The following WDR88 variants were observed in gnomAD, a reference collection of about 807,000 sequenced individuals.
WDR88 encodes WD repeat-containing protein 88.
A neutral mutation model predicts 46.8 loss-of-function variants in WDR88; 40 were observed. The observed-to-expected ratio is 0.86, with a 90% confidence interval of 0.66 to 1.11. The LOEUF (loss-of-function observed/expected upper bound fraction) is 1.11. Among genes scored for constraint, WDR88 ranks in the 50% most tolerant of loss-of-function variants. The pLI is 0.00. For synonymous variants in WDR88, 235 were observed against 240.7 expected, an observed-to-expected ratio of 0.98 and a Z score of 0.22; for missense variants, 562 against 602.4, an observed-to-expected ratio of 0.93 and a Z score of 0.70.
Position 33,144,907 on chromosome 19 carries a change from T to C in WDR88, c.451T>C (p.Cys151Arg), listed in dbSNP as rs2145377386. The change falls in exon 3 of 11, where the codon TGC (cysteine) becomes CGC (arginine). Residue 151 changes from cysteine to arginine, a missense_variant. Coordinates refer to ENST00000355868, the MANE Select transcript of WDR88 (RefSeq NM_173479.4). ...CAGGCCCAAAGCTCCTGTTGTAGAGTGCAGCATCACCGGCGACAGCAGCAG... is the reference window on the plus strand; with the variant it reads ...CAGGCCCAAAGCTCCTGTTGTAGAGCGCAGCATCACCGGCGACAGCAGCAG... ...EHRPKAPVVE[C>R]SITGDSSRVI... 6.2e-7 allele frequency: 1 copy of C among 1,613,570 alleles called. No individual in the cohort carries two copies. The highest frequency in any genetic ancestry group is 1.6e-4 in the Middle Eastern group (1 of 6,062).
intron 2 of WDR88, among the ~76,000 whole-genome samples, chr19:33,144,555 C>CA (rs566384854): frequency 5.3e-5 from 8 of 152,296 alleles, no homozygotes; most frequent in Non-Finnish European, 1.0e-4. Flanking sequence ...AAGGAAAACA[C>CA]AATCTGTTTG....
chr19:33,167,898 G>A (rs552862596), intron 9 of WDR88, among the ~76,000 whole-genome samples: 18 of 151,802 alleles, frequency 1.2e-4, no homozygotes, highest in East Asian at 1.9e-4. Context: ...CAATTCTCCC[G>A]GTAGAAACGG....
rs10426166 is a variant in WDR88, at chr19:33,133,846, C to T, written c.276+1401C>T. Reference sequence around the variant, plus strand: ...CTTGGGGAGGCCCTCCCTGACCGCCCGTCTAAAGTAGCCAGGGCCACTGTC... The same window carrying T: ...CTTGGGGAGGCCCTCCCTGACCGCCTGTCTAAAGTAGCCAGGGCCACTGTC... On this transcript the variant is annotated intron_variant, in intron 1 of 10. Coordinates refer to ENST00000355868, the MANE Select transcript of WDR88 (RefSeq NM_173479.4). Among the ~76,000 whole-genome samples the T allele has an allele frequency of 3.5e-3, 529 of 152,316 alleles. 4 individuals carry two copies. Among genetic ancestry groups the T allele is most frequent in the African/African-American group, 0.012 (510 of 41,582 alleles).
chr19:33,136,216 T>C (rs139218271), intron 1 of WDR88, among the ~76,000 whole-genome samples: 22,444 of 151,886 alleles, frequency 0.15, 1,767 homozygotes, highest in South Asian at 0.2. Context: ...CCACCATGCC[T>C]GGCTAATTTT....
Position 33,144,885 on chromosome 19 carries a change from G to T in WDR88, c.429G>T (p.Arg143Ser). ...DGSVVRDFEHRPKAPVVECSI... is the reference protein window; with the variant it reads ...DGSVVRDFEHSPKAPVVECSI... ...CTGTGGTTCGCGATTTTGAGCACAGGCCCAAAGCTCCTGTTGTAGAGTGCA... is the reference window on the plus strand; with the variant it reads ...CTGTGGTTCGCGATTTTGAGCACAGTCCCAAAGCTCCTGTTGTAGAGTGCA... The change falls in exon 3 of 11, where the codon AGG becomes AGT. Residue 143 changes from arginine (R) to serine (S), a missense_variant. Arg to Ser is a moderately radical substitution (Grantham distance 110). Coordinates refer to ENST00000355868, the MANE Select transcript of WDR88 (RefSeq NM_173479.4). The T allele has an allele frequency of 6.2e-7, 1 of 1,613,776 alleles. No homozygotes were observed. The highest frequency in any genetic ancestry group is 8.5e-7 in the Non-Finnish European group (1 of 1,179,932).
chr19:33,165,983 G>A (rs1057059065), intron 9 of WDR88, among the ~76,000 whole-genome samples: 14 of 151,852 alleles, frequency 9.2e-5, no homozygotes, highest in African/African-American at 3.4e-4. Flanking sequence ...ATCTTGGCTG[G>A]GCATGGTGGC....
At chr19:33,163,198 T>C (rs889258144) in intron 8 of WDR88, among the ~76,000 whole-genome samples, 1 of 151,068 alleles carries the variant, frequency 6.6e-6, no homozygotes, top group African/African-American at 2.4e-5. Context: ...CCGGGTGTGG[T>C]GGCGGGCGCC....
chr19:33,156,503 C>G lies in WDR88; in HGVS notation c.958C>G (p.His320Asp), dbSNP rs571091956. 27 of 1,614,048 alleles carry G rather than the reference C, an allele frequency of 1.7e-5. No individual in the cohort carries two copies. The highest frequency in any genetic ancestry group is 2.3e-5 in the Non-Finnish European group (27 of 1,179,996). Residue 320 changes from histidine (H) to aspartate (D), a missense_variant, in exon 7 of 11, where the codon CAT becomes GAT. Physicochemically the swap from His to Asp is moderately conservative, Grantham distance 81. Coordinates refer to ENST00000355868, the MANE Select transcript of WDR88 (RefSeq NM_173479.4). ...CGACVTLMQG[H>D]EGSVSSCHFA... ...AGCCTGTGTGACTCTGATGCAGGGC[C>G]ATGAAGGTTCTGTCAGTTCCTGTCA...
At chr19:33,159,383 T>A (rs573895799) in intron 7 of WDR88, among the ~76,000 whole-genome samples, 9 of 139,070 alleles carry the variant, frequency 6.5e-5, no homozygotes, top group Admixed American at 4.4e-4. Flanking sequence ...AATAAATAAA[T>A]AACAAATAAA....
intron 9 of WDR88, among the ~76,000 whole-genome samples, chr19:33,169,819 G>A (rs1397192019): frequency 9.9e-5 from 15 of 152,040 alleles, no homozygotes; most frequent in Admixed American, 9.8e-4. Flanking sequence ...GAAGTCCTTT[G>A]CACTATAAAT....
chr19:33,157,816 CT>C (rs1973791477), intron 7 of WDR88, among the ~76,000 whole-genome samples: 1 of 148,758 alleles, frequency 6.7e-6, no homozygotes, highest in Non-Finnish European at 1.5e-5. Context: ...AGAAAGAGAC[CT>C]TCTGTCTGAT....
chr19:33,171,244 T>C (rs1017442543), intron 9 of WDR88, among the ~76,000 whole-genome samples: 6 of 152,162 alleles, frequency 3.9e-5, no homozygotes, highest in Non-Finnish European at 1.5e-5. Flanking sequence ...CCTTGGCCTC[T>C]CAAAGTGCTG....
chr19:33,133,400 T>C (rs551971459), intron 1 of WDR88, among the ~76,000 whole-genome samples: 10 of 151,716 alleles, frequency 6.6e-5, no homozygotes, highest in Admixed American at 2.6e-4. Context: ...ATGCAAAAAT[T>C]AGCCAGGCAT....
At chr19:33,152,234 AATAT>A (rs58282641) in intron 6 of WDR88, among the ~76,000 whole-genome samples, 1 of 147,444 alleles carries the variant, frequency 6.8e-6, no homozygotes. Flanking sequence ...TCTGTCTCAA[AATAT>A]ATATATATAT....
chr19:33,173,007 C>T (rs2145428177), intron 10 of WDR88, among the ~76,000 whole-genome samples: 1 of 148,256 alleles, frequency 6.7e-6, no homozygotes, highest in Non-Finnish European at 1.5e-5. Flanking sequence ...CAGGAGAATC[C>T]CTTGAACCTG....
intron 6 of WDR88, among the ~76,000 whole-genome samples, chr19:33,152,058 C>T (rs1973645327): frequency 6.6e-6 from 1 of 151,716 alleles, no homozygotes; most frequent in Admixed American, 6.6e-5. Flanking sequence ...ATAGTGAAAC[C>T]CCACCTCTAG....
intron 5 of WDR88, among the ~76,000 whole-genome samples, chr19:33,150,840 C>G (rs117635149): frequency 6.6e-6 from 1 of 152,230 alleles, no homozygotes; most frequent in African/African-American, 2.4e-5. Flanking sequence ...GCTGGCTTTT[C>G]GGGCCCTTCC....
In WDR88 at chr19:33,157,168, G is replaced by T. The variant is rs1973751205; in HGVS notation, c.997+626G>T. Reference sequence around the variant, plus strand: ...GCTATGATTGTGCTACTGCACTCCAGCCTGGGCAACAGAGTGAGACCCTGT... The same window carrying T: ...GCTATGATTGTGCTACTGCACTCCATCCTGGGCAACAGAGTGAGACCCTGT... On this transcript the variant is annotated intron_variant, in intron 7 of 10. Transcript: ENST00000355868. Among the ~76,000 whole-genome samples the T allele has an allele frequency of 1.3e-5, 2 of 151,528 alleles. 1 individual carries two copies. The highest frequency in any genetic ancestry group is 4.2e-4 in the South Asian group (2 of 4,802).
chr19:33,172,828 G>T (rs1036527047), intron 10 of WDR88, among the ~76,000 whole-genome samples: 2 of 151,952 alleles, frequency 1.3e-5, no homozygotes, highest in African/African-American at 4.8e-5. Context: ...GGTGTTTCAC[G>T]CCTGTAATCC....
Sources: gnomAD v4.1 joint callset for allele counts (sites outside exome capture counted in the v4.1 genomes callset) on GRCh38, gnomAD v4.1.1 for gene constraint, MANE v1.5 for transcripts, NCBI Gene and HGNC (gene_info 2026-07-23, HGNC 2026-07-21) for gene names.